ZDHHC14: variants seen among roughly 807,000 people sequenced by gnomAD.
ZDHHC14 encodes zDHHC palmitoyltransferase 14.
In ZDHHC14, 16 loss-of-function variants were observed where a neutral mutation model predicts 47.7. The observed-to-expected ratio is 0.34, with a 90% CI of 0.23 to 0.51. The LOEUF is 0.51. Ranked by LOEUF, ZDHHC14 falls within the 20% of genes least tolerant of loss-of-function variation. The pLI, the probability that ZDHHC14 is intolerant of heterozygous loss-of-function variation, is 0.97. For missense variants in ZDHHC14, 515 were observed against 662.5 expected (o/e 0.78, Z 2.44); for synonymous variants, 293 against 278.9 (o/e 1.05, Z -0.50).
At chr6:157,558,029 G>A (rs376285629) in intron 2 of ZDHHC14, among the ~76,000 whole-genome samples, 2 of 152,344 alleles carry the variant, frequency 1.3e-5, no homozygotes, top group Admixed American at 6.5e-5. Context: ...AGCAGGTGAA[G>A]TTCACTTTAA....
intron 1 of ZDHHC14, among the ~76,000 whole-genome samples, chr6:157,503,920 T>A (rs1012719586): frequency 1.3e-5 from 2 of 152,174 alleles, no homozygotes; most frequent in African/African-American, 4.8e-5. Flanking sequence ...ATTGGTATTA[T>A]CTTATAAAGC....
At position 157,536,904 on chromosome 6, in the gene ZDHHC14, C is replaced by T. The variant is rs1257095578; in HGVS notation, c.246-5681C>T. Among the ~76,000 whole-genome samples, 143 of 53,258 alleles carry T rather than the reference C, an allele frequency of 2.7e-3. 11 individuals carry two copies. The highest frequency in any genetic ancestry group is 5.1e-3 in the Admixed American group (23 of 4,506). The allele number at this position is 53,258 out of a possible 152,430, so 34.9% of individuals were successfully genotyped here. ...CGGGATCTCGGCTCACTGCAAGCTC[C>T]GCCTCCCGGGTTCACGCCATTCTCC... On this transcript the variant is annotated intron_variant, in intron 1 of 8. Coordinates refer to ENST00000359775, the MANE Select transcript of ZDHHC14 (RefSeq NM_024630.3).
At chr6:157,569,691 C>T (rs9365126) in intron 2 of ZDHHC14, among the ~76,000 whole-genome samples, 30,498 of 151,788 alleles carry the variant, frequency 0.2, 3,543 homozygotes, top group East Asian at 0.51. Flanking sequence ...CTGAATCTTC[C>T]ACCGCAGGAA....
Position 157,593,003 on chromosome 6 carries a change from C to G in ZDHHC14, c.422C>G (p.Thr141Ser), listed in dbSNP as rs753094454. The change falls in exon 3 of 9, where the codon ACC becomes AGC. Residue 141 changes from threonine to serine, a missense_variant. Around this residue, in one of 4 missense-constraint regions of ZDHHC14, gnomAD observed 229 missense variants for 351.5 expected, o/e 0.65. Coordinates refer to ENST00000359775, the MANE Select transcript of ZDHHC14 (RefSeq NM_024630.3). ...TTCTCCACAGATATCGCAAACGGCACCAGTTCAGGGGGGTACCGCCCGCCT... is the reference window on the plus strand; with the variant it reads ...TTCTCCACAGATATCGCAAACGGCAGCAGTTCAGGGGGGTACCGCCCGCCT... ...LERQIDIANG[T>S]SSGGYRPPPR... 1 of 1,611,836 alleles carries G rather than the reference C, an allele frequency of 6.2e-7. No homozygotes were observed. The highest frequency in any genetic ancestry group is 8.5e-7 in the Non-Finnish European group (1 of 1,179,296).
chr6:157,607,439 CCT>C (rs1422363426), intron 3 of ZDHHC14, among the ~76,000 whole-genome samples: 2 of 152,190 alleles, frequency 1.3e-5, no homozygotes, highest in East Asian at 1.9e-4. Context: ...CCTTCCGCTT[CCT>C]CTCTCTCTTC....
chr6:157,673,195 C>T lies in ZDHHC14; in HGVS notation c.*73C>T. On this transcript the variant is annotated 3_prime_UTR_variant, in exon 9 of 9. Coordinates refer to ENST00000359775, the MANE Select transcript of ZDHHC14 (RefSeq NM_024630.3). This position sits in a 1 kb window ranked among gnomAD's most constrained non-coding sequence, Gnocchi z 5.4. ...GCAGGAGTGAGCGGAGGGGTGTGTC[C>T]CACAGCGACTTTCCCAGCCAATGCC... is the stretch of plus-strand genomic sequence containing the variant. 6.8e-7 allele frequency: 1 copy of T among 1,461,830 alleles called. No homozygotes were observed. The highest frequency in any genetic ancestry group is 2.6e-5 in the East Asian group (1 of 38,592). The allele number at this position is 1,461,830 out of a possible 1,614,324, so 90.6% of individuals were successfully genotyped here.
At chr6:157,425,046 G>A (rs1778189877) in intron 1 of ZDHHC14, among the ~76,000 whole-genome samples, 1 of 152,150 alleles carries the variant, frequency 6.6e-6, no homozygotes, top group East Asian at 1.9e-4. Flanking sequence ...TTTTATTGGG[G>A]TTGCATTATG....
intron 3 of ZDHHC14, among the ~76,000 whole-genome samples, chr6:157,613,691 A>G (rs914047107): frequency 6.6e-6 from 1 of 152,160 alleles, no homozygotes; most frequent in Non-Finnish European, 1.5e-5. Flanking sequence ...TAGGCAGCCC[A>G]TCCATCTCAT....
intron 1 of ZDHHC14, among the ~76,000 whole-genome samples, chr6:157,453,034 C>T (rs991888613): frequency 6.6e-6 from 1 of 151,944 alleles, no homozygotes; most frequent in African/African-American, 2.4e-5. Flanking sequence ...AAGCACAATA[C>T]TCTTCTTTTC....
At chr6:157,492,207 C>CCCCG (rs1554261215) in intron 1 of ZDHHC14, among the ~76,000 whole-genome samples, 1 of 101,936 alleles carries the variant, frequency 9.8e-6, no homozygotes, top group African/African-American at 3.8e-5. Context: ...TCCGCCCCCG[C>CCCCG]CCCCCAGCCA....
At chr6:157,670,908 A>G (rs1778767355) in intron 8 of ZDHHC14, among the ~76,000 whole-genome samples, 1 of 152,062 alleles carries the variant, frequency 6.6e-6, no homozygotes, top group Admixed American at 6.6e-5. Flanking sequence ...GTGGCCTACT[A>G]CTTGTGATTT....
rs556975560 is a variant in ZDHHC14, at chr6:157,513,605, C to T, written c.246-28980C>T. Among the ~76,000 whole-genome samples the T allele has an allele frequency of 2.5e-4, 38 of 152,306 alleles. No individual in the cohort carries two copies. In the Middle Eastern group the frequency reaches 0.01, roughly 41 times the overall value. On this transcript the variant is annotated intron_variant, in intron 1 of 8. Transcript: ENST00000359775. ...AGGATTTACACTACACCAGGCACATCACTAAATACCATATGTACATTTACT... is the reference window on the plus strand; with the variant it reads ...AGGATTTACACTACACCAGGCACATTACTAAATACCATATGTACATTTACT...
chr6:157,656,730 A>C (rs529540574), intron 8 of ZDHHC14, among the ~76,000 whole-genome samples: 2,832 of 144,344 alleles, frequency 0.02, 44 homozygotes, highest in Non-Finnish European at 0.03. Flanking sequence ...AAAAAAAAAA[A>C]AAACAAGACT....
intron 1 of ZDHHC14, among the ~76,000 whole-genome samples, chr6:157,410,353 T>A (rs1202870474): frequency 6.6e-6 from 1 of 152,248 alleles, no homozygotes; most frequent in East Asian, 1.9e-4. Flanking sequence ...GTCATGGTAG[T>A]GCTATTTGGG....
intron 1 of ZDHHC14, among the ~76,000 whole-genome samples, chr6:157,445,105 T>TACACACACACACACACACACACAC (rs533031947): frequency 7.6e-6 from 1 of 131,668 alleles, no homozygotes; most frequent in African/African-American, 2.8e-5. Context: ...TGCCAGATAT[T>TACACACACACACACACACACACAC]ACACACACAC....
intron 1 of ZDHHC14, among the ~76,000 whole-genome samples, chr6:157,482,070 C>G (rs1456556188): frequency 6.6e-6 from 1 of 152,086 alleles, no homozygotes; most frequent in Non-Finnish European, 1.5e-5. Context: ...GACATTCCCA[C>G]TGAAACTACT....
At chr6:157,455,172 G>A (rs990875483) in intron 1 of ZDHHC14, among the ~76,000 whole-genome samples, 1 of 152,290 alleles carries the variant, frequency 6.6e-6, no homozygotes, top group African/African-American at 2.4e-5. Flanking sequence ...ATTGCCTCCC[G>A]AAGTTCTTGA....
At chr6:157,619,604 G>C (rs1022157812) in intron 3 of ZDHHC14, among the ~76,000 whole-genome samples, 2 of 152,188 alleles carry the variant, frequency 1.3e-5, no homozygotes, top group South Asian at 4.1e-4. Flanking sequence ...AGACACCTTA[G>C]AGTCAGCCAC....
chr6:157,409,988 C>T (rs952768782), intron 1 of ZDHHC14, among the ~76,000 whole-genome samples: 5 of 152,040 alleles, frequency 3.3e-5, no homozygotes, highest in Admixed American at 2.6e-4. Flanking sequence ...GCCACCATCA[C>T]GCCCGGCTAA....
Sources: gnomAD v4.1 joint callset for allele counts (sites outside exome capture counted in the v4.1 genomes callset) on GRCh38, gnomAD v4.1.1 for gene constraint, gnomAD v4.1.1 regional missense constraint, Gnocchi (gnomAD v3.1) non-coding constraint, MANE v1.5 for transcripts, NCBI Gene and HGNC (gene_info 2026-07-23, HGNC 2026-07-21) for gene names.